Variants in LPP observed in about 807,000 individuals in gnomAD.
LPP encodes lipoma-preferred partner.
LPP carries 38 observed loss-of-function variants against 60.4 expected under a neutral mutation model. The observed-to-expected ratio is 0.63, with a 90% CI of 0.49 to 0.83. The LOEUF is 0.83. LPP is among the 40% of genes least tolerant of loss of function. The pLI is 0.00. For synonymous variants in LPP, 328 were observed against 290.8 expected (o/e 1.13, Z -1.30); for missense variants, 902 against 783.6 (o/e 1.15, Z -1.80).
intron 6 of LPP, among the ~76,000 whole-genome samples, chr3:188,536,500 T>C (rs1310008785): frequency 1.3e-5 from 2 of 152,260 alleles, no homozygotes; most frequent in East Asian, 3.8e-4. Context: ...ATCTAAGTCA[T>C]GCTTTTTAAG....
At chr3:188,351,750 G>C (rs1326551443) in intron 3 of LPP, among the ~76,000 whole-genome samples, 1 of 152,186 alleles carries the variant, frequency 6.6e-6, no homozygotes, top group Non-Finnish European at 1.5e-5. Flanking sequence ...TAGAACACGG[G>C]TGTAGGGCTC....
intron 9 of LPP, among the ~76,000 whole-genome samples, chr3:188,815,618 A>G (rs1429956580): frequency 2.0e-5 from 3 of 149,852 alleles, no homozygotes; most frequent in South Asian, 2.1e-4. Flanking sequence ...TTTGTTGGGG[A>G]AAAAAAAAAT....
Position 188,235,614 on chromosome 3 carries a change from T to C in LPP, c.-67+10087T>C, listed in dbSNP as rs1283154918. On this transcript the variant is annotated intron_variant, in intron 2 of 11. Coordinates refer to ENST00000617246, the MANE Select transcript of LPP (RefSeq NM_001375462.1). Reference sequence around the variant, plus strand: ...TCTCCATAATCTTGGCACATGTAAGTGCTGACTTACCTTGGGCAATCTCTT... The same window carrying C: ...TCTCCATAATCTTGGCACATGTAAGCGCTGACTTACCTTGGGCAATCTCTT... Among the ~76,000 whole-genome samples the C allele has an allele frequency of 2.6e-5, 4 of 152,332 alleles. No homozygotes were observed. The East Asian group carries it at 7.7e-4, about 29-fold the overall frequency.
At chr3:188,727,413 G>A (rs1718830009) in intron 8 of LPP, among the ~76,000 whole-genome samples, 1 of 152,146 alleles carries the variant, frequency 6.6e-6, no homozygotes, top group Non-Finnish European at 1.5e-5. Context: ...CCACGGGTAA[G>A]ATATTCTGTG....
chr3:188,655,083 C>G (rs1852879533), intron 7 of LPP, among the ~76,000 whole-genome samples: 1 of 152,146 alleles, frequency 6.6e-6, no homozygotes, highest in South Asian at 2.1e-4. Flanking sequence ...GAGAAGTCAA[C>G]TATGACCAGA....
At chr3:188,337,655 T>C (rs1762019351) in intron 2 of LPP, among the ~76,000 whole-genome samples, 1 of 152,196 alleles carries the variant, frequency 6.6e-6, no homozygotes, top group Non-Finnish European at 1.5e-5. Context: ...CTTCTGTTTT[T>C]AGTTCATCTT....
chr3:188,319,766 A>G (rs1026741727), intron 2 of LPP, among the ~76,000 whole-genome samples: 3 of 152,246 alleles, frequency 2.0e-5, no homozygotes, highest in Non-Finnish European at 2.9e-5. Context: ...CAAAGAAATT[A>G]TCATTGGTGT....
intron 3 of LPP, among the ~76,000 whole-genome samples, chr3:188,389,239 C>T (rs957170447): frequency 6.6e-6 from 1 of 152,072 alleles, no homozygotes; most frequent in Non-Finnish European, 1.5e-5. Flanking sequence ...CTCTCTGTCA[C>T]CTGATGTCCC....
At chr3:188,511,106 C>G (rs1815385613) in intron 5 of LPP, among the ~76,000 whole-genome samples, 1 of 112,534 alleles carries the variant, frequency 8.9e-6, no homozygotes, top group Non-Finnish European at 1.9e-5. Flanking sequence ...CTCCCTCCCT[C>G]CTTCCTCCTT....
chr3:188,625,288 C>T (rs1029724907), intron 7 of LPP, among the ~76,000 whole-genome samples: 4 of 152,104 alleles, frequency 2.6e-5, no homozygotes, highest in African/African-American at 9.7e-5. Context: ...CTAAGACCCA[C>T]AGAATGACTA....
chr3:188,863,967 A>AAAT lies in LPP; in HGVS notation c.1411-2231_1411-2230insTAA, dbSNP rs201961470. Among the ~76,000 whole-genome samples, 302 of 151,768 alleles carry AAAT rather than the reference A, an allele frequency of 2.0e-3. 13 individuals are homozygous for AAAT. The East Asian group carries it at 0.056, about 28-fold the overall frequency. Reference sequence around the variant, plus strand: ...TTACAGGGCTGACTAAAAAAAAAAAAAAAAAAGTAAAAACCCACAGAGGAG... The same window carrying AAAT: ...TTACAGGGCTGACTAAAAAAAAAAAAAATAAAAAAGTAAAAACCCACAGAGGAG... On this transcript the variant is annotated intron_variant, in intron 9 of 11. Transcript: ENST00000617246.
At chr3:188,335,343 TTACCTG>T (rs1490969487) in intron 2 of LPP, among the ~76,000 whole-genome samples, 1 of 152,240 alleles carries the variant, frequency 6.6e-6, no homozygotes, top group Non-Finnish European at 1.5e-5. Context: ...GTTTATTGGT[TTACCTG>T]TGTTAAACTA....
intron 4 of LPP, among the ~76,000 whole-genome samples, chr3:188,432,979 C>G (rs1030281395): frequency 3.9e-5 from 6 of 152,070 alleles, no homozygotes; most frequent in African/African-American, 1.4e-4. Context: ...TAGGAATGAA[C>G]AAGGGATGAC....
chr3:188,701,944 C>CTTTTTTTTTTTTTTTTTTT (rs35803152), intron 7 of LPP, among the ~76,000 whole-genome samples: 9 of 83,584 alleles, frequency 1.1e-4, no homozygotes, highest in East Asian at 4.1e-4. Flanking sequence ...GTTTTTTTCC[C>CTTTTTTTTTTTTTTTTTTT]TTTTTTTTTT....
intron 2 of LPP, among the ~76,000 whole-genome samples, chr3:188,327,302 G>A (rs570852650): frequency 5.2e-4 from 79 of 152,190 alleles, no homozygotes; most frequent in African/African-American, 1.7e-3. Flanking sequence ...TATCTCTTTC[G>A]TGAACATTGC....
At chr3:188,319,392 A>C (rs1756272568) in intron 2 of LPP, among the ~76,000 whole-genome samples, 1 of 152,202 alleles carries the variant, frequency 6.6e-6, no homozygotes, top group Non-Finnish European at 1.5e-5. Context: ...GGTCTTTCTC[A>C]TCTTATTCAT....
chr3:188,401,335 C>T (rs775708034), intron 3 of LPP, among the ~76,000 whole-genome samples: 3 of 152,162 alleles, frequency 2.0e-5, no homozygotes, highest in African/African-American at 4.8e-5. Context: ...ATTTTGGTGC[C>T]GCTGGTCTGA....
chr3:188,519,883 T>C (rs972365418), intron 5 of LPP, among the ~76,000 whole-genome samples: 2 of 152,220 alleles, frequency 1.3e-5, no homozygotes, highest in African/African-American at 2.4e-5. Context: ...ATGAATGCTC[T>C]TTCATAACCA....
chr3:188,160,943 G>A (rs1718077438), intron 1 of LPP, among the ~76,000 whole-genome samples: 1 of 152,224 alleles, frequency 6.6e-6, no homozygotes, highest in Admixed American at 6.5e-5. Flanking sequence ...ATTTGGTTGG[G>A]TTTTGAGAAG....
Sources: gnomAD v4.1 joint callset for allele counts (sites outside exome capture counted in the v4.1 genomes callset) on GRCh38, gnomAD v4.1.1 for gene constraint, MANE v1.5 for transcripts, NCBI Gene and HGNC (gene_info 2026-07-23, HGNC 2026-07-21) for gene names.